The following ITGA1 variants were observed in gnomAD, a reference collection of about 807,000 sequenced individuals.
ITGA1 encodes integrin subunit alpha 1.
Under a neutral mutation model 145.9 loss-of-function variants are expected in ITGA1, and 85 were observed. That is an observed-to-expected ratio of 0.58 (90% confidence interval 0.49 to 0.70). The LOEUF (loss-of-function observed/expected upper bound fraction) is 0.70. ITGA1 is among the 30% of genes least tolerant of loss of function. The pLI is 0.00. For synonymous variants in ITGA1, 520 were observed against 495.3 expected, an observed-to-expected ratio of 1.05 and a Z score of -0.66; for missense variants, 1,351 against 1,418.7, an observed-to-expected ratio of 0.95 and a Z score of 0.77.
intron 6 of ITGA1, among the ~76,000 whole-genome samples, chr5:52,871,028 C>T (rs912501587): frequency 3.3e-4 from 50 of 152,204 alleles, no homozygotes; most frequent in African/African-American, 1.2e-3. Context: ...TCAGAAATCA[C>T]AGTTAGCACT....
chr5:52,868,560 G>A (rs1749725927), intron 6 of ITGA1, among the ~76,000 whole-genome samples: 1 of 152,148 alleles, frequency 6.6e-6, no homozygotes. Context: ...GCCAGAGTGG[G>A]CAACATGAAG....
At chr5:52,856,193 C>T (rs975032808) in intron 2 of ITGA1, among the ~76,000 whole-genome samples, 3 of 152,140 alleles carry the variant, frequency 2.0e-5, no homozygotes, top group Non-Finnish European at 2.9e-5. Flanking sequence ...TGAGTTCTAG[C>T]CACCCATACT....
intron 1 of ITGA1, among the ~76,000 whole-genome samples, chr5:52,835,665 T>C (rs929559719): frequency 2.6e-5 from 4 of 152,164 alleles, no homozygotes; most frequent in Non-Finnish European, 5.9e-5. Flanking sequence ...TGTGTGTGTA[T>C]ATATTTTGAT....
intron 2 of ITGA1, among the ~76,000 whole-genome samples, chr5:52,855,017 C>T (rs1226748730): frequency 6.6e-6 from 1 of 152,132 alleles, no homozygotes; most frequent in Non-Finnish European, 1.5e-5. Flanking sequence ...AACTAACTTG[C>T]ATTAAATTTT....
At chr5:52,797,880 A>G (rs1262825566) in intron 1 of ITGA1, among the ~76,000 whole-genome samples, 1 of 152,238 alleles carries the variant, frequency 6.6e-6, no homozygotes, top group Non-Finnish European at 1.5e-5. Flanking sequence ...GCTCTTCAAT[A>G]AAAACCTTTT....
At position 52,871,680 on chromosome 5, in the gene ITGA1, A is replaced by T. The variant is rs1036988669; in HGVS notation, c.624+5863A>T. ...CTTACATTAAGTTTTCCATGTGACAATTTAGTATACATTAGGGAAATACAA... is the reference window on the plus strand; with the variant it reads ...CTTACATTAAGTTTTCCATGTGACATTTTAGTATACATTAGGGAAATACAA... On this transcript the variant is annotated intron_variant, in intron 6 of 28. Transcript: ENST00000282588. Among the ~76,000 whole-genome samples the T allele has an allele frequency of 5.9e-5, 9 of 152,102 alleles. No homozygotes were observed. The South Asian group carries it at 6.2e-4, about 10-fold the overall frequency.
At position 52,788,318 on chromosome 5, in the gene ITGA1, C is replaced by G. The variant is rs1420478349; in HGVS notation, c.-36C>G. The G allele has an allele frequency of 6.8e-7, 1 of 1,481,054 alleles. No homozygotes were observed. The highest frequency in any genetic ancestry group is 8.9e-7 in the Non-Finnish European group (1 of 1,120,736). 91.7% of individuals were successfully genotyped at this position (1,481,054 alleles called of 1,614,324 possible). On this transcript the variant is annotated 5_prime_UTR_variant, in exon 1 of 29. Coordinates refer to ENST00000282588, the MANE Select transcript of ITGA1 (RefSeq NM_181501.2). ...CCCGCGCCCGGTCCTGCCCTGCGAA[C>G]CAGCGCGGCCCCCTGGCGCTGAGGC...
intron 1 of ITGA1, among the ~76,000 whole-genome samples, chr5:52,804,623 C>G (rs992336934): frequency 6.6e-6 from 1 of 152,106 alleles, no homozygotes; most frequent in African/African-American, 2.4e-5. Flanking sequence ...CTCCAATTAT[C>G]TTTAACAGAA....
intron 22 of ITGA1, chr5:52,932,748 G>A (rs1750910782): frequency 6.6e-6 from 1 of 152,052 alleles, no homozygotes; most frequent in Non-Finnish European, 1.5e-5. Context: ...AAGAATCAGT[G>A]GCAAGTAGGT....
At chr5:52,805,651 C>T (rs1748577260) in intron 1 of ITGA1, among the ~76,000 whole-genome samples, 1 of 152,022 alleles carries the variant, frequency 6.6e-6, no homozygotes, top group Non-Finnish European at 1.5e-5. Flanking sequence ...GTTAAATTTA[C>T]TAAAAGATTT....
At chr5:52,914,467 T>A (rs1394142494) in intron 14 of ITGA1, among the ~76,000 whole-genome samples, 1 of 151,974 alleles carries the variant, frequency 6.6e-6, no homozygotes. Context: ...AAACCCCGTC[T>A]CTACTAAAAA....
intron 28 of ITGA1, among the ~76,000 whole-genome samples, chr5:52,951,751 GA>G (rs1017340118): frequency 2.1e-4 from 32 of 151,656 alleles, no homozygotes; most frequent in Non-Finnish European, 3.1e-4. Flanking sequence ...CCACATCCCT[GA>G]AAAAAAAGAT....
intron 1 of ITGA1, among the ~76,000 whole-genome samples, chr5:52,797,324 A>T (rs867169990): frequency 2.4e-4 from 36 of 152,114 alleles, no homozygotes; most frequent in East Asian, 7.7e-4. Context: ...TTAAAAAAAA[A>T]TTTTTTTAAC....
intron 11 of ITGA1, among the ~76,000 whole-genome samples, chr5:52,900,292 C>T (rs1221194143): frequency 6.6e-6 from 1 of 152,104 alleles, no homozygotes; most frequent in African/African-American, 2.4e-5. Context: ...AAATATAGAA[C>T]ATTTATCTTC....
chr5:52,822,641 C>T (rs1044212409), intron 1 of ITGA1, among the ~76,000 whole-genome samples: 2 of 152,230 alleles, frequency 1.3e-5, no homozygotes, highest in African/African-American at 2.4e-5. Flanking sequence ...CTCGCCAGTT[C>T]GTATTGTAGC....
chr5:52,925,639 G>T, intron 19 of ITGA1, 152 bp downstream of exon 19: 1 of 610,746 alleles, frequency 1.6e-6, no homozygotes. Context: ...AAAGTATTAA[G>T]CTTTTTAAAA....
At chr5:52,810,823 C>A (rs1373872353) in intron 1 of ITGA1, among the ~76,000 whole-genome samples, 1 of 152,128 alleles carries the variant, frequency 6.6e-6, no homozygotes, top group South Asian at 2.1e-4. Flanking sequence ...TATCTCTGAT[C>A]CTGTACTTTC....
At chr5:52,931,829 G>C (rs1199112473) in intron 21 of ITGA1, 2 of 401,164 alleles carry the variant, frequency 5.0e-6, no homozygotes, top group Non-Finnish European at 8.9e-6. Flanking sequence ...CAGTGTGATT[G>C]TCAAGTCTAG....
At chr5:52,815,574 C>T (rs1748753187) in intron 1 of ITGA1, among the ~76,000 whole-genome samples, 1 of 152,106 alleles carries the variant, frequency 6.6e-6, no homozygotes, top group Non-Finnish European at 1.5e-5. Flanking sequence ...TTGGTCTTGG[C>T]TCTAGTTCTG....
Sources: allele counts gnomAD v4.1 joint callset (sites outside exome capture counted in the v4.1 genomes callset), GRCh38; gene constraint gnomAD v4.1.1; transcripts MANE v1.5; gene names NCBI Gene and HGNC (gene_info 2026-07-23, HGNC 2026-07-21).